Variants in RBFOX1 observed in about 807,000 individuals in gnomAD.
RBFOX1 encodes the protein RNA binding fox-1 homolog 1, also known as RNA binding protein fox-1 homolog 1.
Under a neutral mutation model 57.7 loss-of-function variants are expected in RBFOX1, and 8 were observed. The observed-to-expected ratio is 0.14, with a 90% confidence interval of 0.08 to 0.25. The LOEUF (loss-of-function observed/expected upper bound fraction) is 0.25. Ranked by LOEUF, RBFOX1 falls within the 10% of genes least tolerant of loss-of-function variation. The pLI is 1.00. For synonymous variants in RBFOX1, 326 were observed against 222.4 expected, an observed-to-expected ratio of 1.47 and a Z score of -4.15; for missense variants, 611 against 548.5, an observed-to-expected ratio of 1.11 and a Z score of -1.14.
At chr16:6,072,193 T>G (rs1597004359) in intron 1 of RBFOX1, among the ~76,000 whole-genome samples, 1 of 152,276 alleles carries the variant, frequency 6.6e-6, no homozygotes, top group East Asian at 1.9e-4. Context: ...CTCATGAGTC[T>G]TATTCACTAT....
At chr16:7,402,118 G>C (rs1361833720) in intron 4 of RBFOX1, among the ~76,000 whole-genome samples, 2 of 152,160 alleles carry the variant, frequency 1.3e-5, no homozygotes, top group Non-Finnish European at 2.9e-5. Flanking sequence ...TTAAAATATA[G>C]AATGGATTTT....
intron 4 of RBFOX1, among the ~76,000 whole-genome samples, chr16:6,009,342 A>G (rs903620023): frequency 6.6e-6 from 1 of 152,184 alleles, no homozygotes; most frequent in Non-Finnish European, 1.5e-5. Context: ...TAGGGCTTTG[A>G]TACAAAGAAG....
chr16:7,503,332 T>C (rs2071633421), intron 4 of RBFOX1, among the ~76,000 whole-genome samples: 1 of 152,190 alleles, frequency 6.6e-6, no homozygotes, highest in Admixed American at 6.5e-5. Flanking sequence ...GGACTTCCTC[T>C]CTTACAAAGA....
chr16:7,510,412 G>T (rs1413327423), intron 4 of RBFOX1: 3 of 899,454 alleles, frequency 3.3e-6, no homozygotes, highest in South Asian at 5.1e-5. Flanking sequence ...TCGGTGACAC[G>T]TAGCTTGCTG....
intron 4 of RBFOX1, among the ~76,000 whole-genome samples, chr16:7,434,080 A>C (rs1413203463): frequency 6.6e-6 from 1 of 152,226 alleles, no homozygotes; most frequent in Non-Finnish European, 1.5e-5. Flanking sequence ...AAAGCAGGTA[A>C]AAAGGAAGAA....
At chr16:5,853,265 G>A (rs542093056) in intron 3 of RBFOX1, among the ~76,000 whole-genome samples, 3 of 152,248 alleles carry the variant, frequency 2.0e-5, no homozygotes, top group Admixed American at 2.0e-4. Flanking sequence ...GGGTCTTCCA[G>A]CCAGACAACC....
intron 4 of RBFOX1, among the ~76,000 whole-genome samples, chr16:7,359,601 C>A (rs1384449533): frequency 6.6e-6 from 1 of 152,172 alleles, no homozygotes; most frequent in African/African-American, 2.4e-5. Context: ...TGAGTTAAAC[C>A]ACTGTTTGCT....
chr16:5,277,221 T>C (rs1231231188), intron 1 of RBFOX1, among the ~76,000 whole-genome samples: 1 of 151,952 alleles, frequency 6.6e-6, no homozygotes, highest in Non-Finnish European at 1.5e-5. Flanking sequence ...AAAACAAACA[T>C]TGCATGTTCT....
chr16:5,689,628 C>A (rs544778616), intron 3 of RBFOX1, among the ~76,000 whole-genome samples: 1 of 152,242 alleles, frequency 6.6e-6, no homozygotes, highest in African/African-American at 2.4e-5. Context: ...CAGGACAAAG[C>A]ATTTCTTAGG....
At chr16:6,348,515 T>C (rs996767357) in intron 2 of RBFOX1, among the ~76,000 whole-genome samples, 2 of 152,132 alleles carry the variant, frequency 1.3e-5, no homozygotes, top group Admixed American at 6.6e-5. Flanking sequence ...AGGAAATACC[T>C]GAGACGGGGT....
At chr16:7,530,628 T>G (rs774319844) in intron 5 of RBFOX1, among the ~76,000 whole-genome samples, 4 of 152,220 alleles carry the variant, frequency 2.6e-5, no homozygotes, top group Non-Finnish European at 5.9e-5. Flanking sequence ...CAATCATTAC[T>G]TCTGGGTCAG....
intron 3 of RBFOX1, among the ~76,000 whole-genome samples, chr16:6,826,565 C>T (rs1327978417): frequency 6.6e-6 from 1 of 152,258 alleles, no homozygotes; most frequent in South Asian, 2.1e-4. Flanking sequence ...TGCGGGCATG[C>T]GTGCTCTCAC....
At chr16:6,328,994 G>A (rs886594143) in intron 2 of RBFOX1, among the ~76,000 whole-genome samples, 1 of 152,170 alleles carries the variant, frequency 6.6e-6, no homozygotes, top group Non-Finnish European at 1.5e-5. Context: ...TCAGCAGCTG[G>A]TTCTGAAGTT....
chr16:7,040,704 A>G (rs1424540539), intron 3 of RBFOX1, among the ~76,000 whole-genome samples: 2 of 152,198 alleles, frequency 1.3e-5, no homozygotes, highest in South Asian at 2.1e-4. Context: ...ATAGTTTTTT[A>G]TACACAAATG....
intron 1 of RBFOX1, among the ~76,000 whole-genome samples, chr16:5,375,751 G>A (rs1411332631): frequency 6.6e-6 from 1 of 152,210 alleles, no homozygotes; most frequent in Non-Finnish European, 1.5e-5. Flanking sequence ...GGCCGGATTT[G>A]GCCTGCCAGC....
intron 1 of RBFOX1, among the ~76,000 whole-genome samples, chr16:6,055,059 G>A (rs59722331): frequency 6.6e-6 from 1 of 152,062 alleles, no homozygotes; most frequent in South Asian, 2.1e-4. Flanking sequence ...TGTCATGTGA[G>A]GCTGTTCCTT....
chr16:6,275,989 A>G (rs1234645350), intron 1 of RBFOX1, among the ~76,000 whole-genome samples: 1 of 152,158 alleles, frequency 6.6e-6, no homozygotes, highest in Non-Finnish European at 1.5e-5. Flanking sequence ...TGATGCTGGT[A>G]CTGCAGGTGT....
intron 4 of RBFOX1, among the ~76,000 whole-genome samples, chr16:7,403,572 C>G (rs1011570760): frequency 1.4e-5 from 2 of 146,742 alleles, no homozygotes; most frequent in Admixed American, 6.8e-5. Flanking sequence ...TCCCCCCCCC[C>G]CCACTTTTTT....
chr16:6,174,009 C>G (rs945389439), intron 1 of RBFOX1, among the ~76,000 whole-genome samples: 2 of 151,982 alleles, frequency 1.3e-5, no homozygotes, highest in Non-Finnish European at 2.9e-5. Context: ...TGAAAATAAC[C>G]CAAATTCTCA....
Sources: allele counts gnomAD v4.1 joint callset (sites outside exome capture counted in the v4.1 genomes callset), GRCh38; gene constraint gnomAD v4.1.1; transcripts MANE v1.5; gene names NCBI Gene and HGNC (gene_info 2026-07-23, HGNC 2026-07-21).